The following CCDC171 variants were observed in gnomAD, a reference collection of about 807,000 sequenced individuals.
CCDC171 encodes the protein coiled-coil domain-containing protein 171.
A neutral mutation model predicts 168.2 loss-of-function variants in CCDC171; 177 were observed. The ratio of observed to expected loss-of-function variants is 1.05; its 90% confidence interval spans 0.93 to 1.19. The LOEUF (loss-of-function observed/expected upper bound fraction) is 1.19. CCDC171 is among the 50% of genes most tolerant of loss of function. The pLI, the probability that CCDC171 is intolerant of heterozygous loss-of-function variation, is 0.00. For missense variants in CCDC171, 1,991 were observed against 1,539.0 expected (o/e 1.29, Z -4.91); for synonymous variants, 687 against 540.8 (o/e 1.27, Z -3.75).
At position 15,745,645 on chromosome 9, in the gene CCDC171, T is replaced by C; in HGVS notation, c.2671+14T>C. The C allele has an allele frequency of 6.9e-7, 1 of 1,453,158 alleles. No individual in the cohort carries two copies. Among genetic ancestry groups the C allele is most frequent in the Non-Finnish European group, 9.3e-7 (1 of 1,072,554 alleles). 90.0% of individuals were successfully genotyped at this position (1,453,158 alleles called of 1,614,324 possible). A position where few individuals can be genotyped will look rare whatever the true frequency, so the allele number is the denominator to read the frequency against. ...TTGGTAAAGCAGGTATGGTTCCTTC[T>C]TTTATGTCCTTGCAAAATACATTTA... On this transcript the variant is annotated intron_variant, in intron 18 of 25. Transcript: ENST00000380701.
chr9:15,649,548 A>T (rs1189917068), intron 7 of CCDC171, among the ~76,000 whole-genome samples: 2 of 152,256 alleles, frequency 1.3e-5, no homozygotes, highest in Non-Finnish European at 2.9e-5. Flanking sequence ...AAACAAATTT[A>T]CAAGAAAAAA....
intron 8 of CCDC171, 41 bp from the exon 9 acceptor site, chr9:15,666,121 CA>C (rs2048715121): frequency 1.3e-6 from 2 of 1,572,268 alleles, no homozygotes; most frequent in South Asian, 2.3e-5. Context: ...TTGATGCTAG[CA>C]TTTCTTAGCT....
At chr9:16,024,791 A>G (rs566765264) in intron 6 of CCDC171, among the ~76,000 whole-genome samples, 1 of 152,230 alleles carries the variant, frequency 6.6e-6, no homozygotes, top group Non-Finnish European at 1.5e-5. Context: ...AAGAACATGT[A>G]TGCAGAGGGG....
chr9:15,614,789 G>A (rs1014475885), intron 6 of CCDC171, among the ~76,000 whole-genome samples: 1 of 152,162 alleles, frequency 6.6e-6, no homozygotes, highest in Non-Finnish European at 1.5e-5. Context: ...TTGAGTGTCT[G>A]GGTGAGGCTT....
chr9:16,076,815 T>C, the CCDC171 span, among the ~76,000 whole-genome samples: 1 of 152,334 alleles, frequency 6.6e-6, no homozygotes, highest in East Asian at 1.9e-4. Context: ...CAACTAAATC[T>C]ATTAGGCTCC....
chr9:15,890,436 G>C (rs1057479633), intron 24 of CCDC171, among the ~76,000 whole-genome samples: 3 of 152,054 alleles, frequency 2.0e-5, no homozygotes, highest in Non-Finnish European at 2.9e-5. Flanking sequence ...AATATCTGGA[G>C]TTTGAGTCTC....
At chr9:15,762,387 G>A (rs2056496248) in intron 18 of CCDC171, among the ~76,000 whole-genome samples, 1 of 152,002 alleles carries the variant, frequency 6.6e-6, no homozygotes, top group Non-Finnish European at 1.5e-5. Context: ...AACCTAAGCA[G>A]GAAAAGGAGC....
chr9:15,567,615 C>A (rs1201463205), intron 2 of CCDC171, among the ~76,000 whole-genome samples: 1 of 151,950 alleles, frequency 6.6e-6, no homozygotes, highest in Non-Finnish European at 1.5e-5. Context: ...CTTTTCAACT[C>A]CTTTGAACAA....
At position 15,933,043 on chromosome 9, in the gene CCDC171, C is replaced by G. The variant is rs560078330; in HGVS notation, c.3753+12621C>G. Among the ~76,000 whole-genome samples the G allele has an allele frequency of 2.6e-5, 4 of 151,904 alleles. No homozygotes were observed. In the East Asian group the frequency reaches 7.8e-4, roughly 30 times the overall value. ...CTCTATGTTCATCAGGGATATTGGC[C>G]TGTAGTTTTTTTTGTCTGTGTGTCC... is the stretch of plus-strand genomic sequence containing the variant. On this transcript the variant is annotated intron_variant, in intron 25 of 25. Coordinates refer to ENST00000380701, the MANE Select transcript of CCDC171 (RefSeq NM_173550.4).
intron 21 of CCDC171, among the ~76,000 whole-genome samples, chr9:15,846,255 A>G (rs987520121): frequency 6.6e-6 from 1 of 152,098 alleles, no homozygotes; most frequent in African/African-American, 2.4e-5. Context: ...CCATTTTCTT[A>G]TAGATATCCT....
At chr9:15,859,204 T>C (rs1407689244) in intron 23 of CCDC171, among the ~76,000 whole-genome samples, 1 of 152,098 alleles carries the variant, frequency 6.6e-6, no homozygotes, top group Non-Finnish European at 1.5e-5. Flanking sequence ...GATTTTTGTA[T>C]CTTGAACCAT....
At chr9:16,038,349 G>A (rs376953470), upstream of CCDC171, among the ~76,000 whole-genome samples, 117 of 152,198 alleles carry the variant, frequency 7.7e-4, no homozygotes, top group African/African-American at 2.6e-3. Context: ...AGCATTGTCT[G>A]TAGAAGTTAA....
At chr9:15,756,347 A>AGC (rs2056115933) in intron 18 of CCDC171, among the ~76,000 whole-genome samples, 2 of 152,338 alleles carry the variant, frequency 1.3e-5, no homozygotes, top group South Asian at 4.1e-4. Context: ...CTATCAGCTC[A>AGC]CACAAGAATG....
chr9:15,685,464 C>T (rs1346368254), intron 10 of CCDC171, among the ~76,000 whole-genome samples: 1 of 151,840 alleles, frequency 6.6e-6, no homozygotes, highest in Non-Finnish European at 1.5e-5. Context: ...ACTCCCATAT[C>T]TACAAAAAAA....
At chr9:15,706,746 A>G (rs1440059100) in intron 11 of CCDC171, among the ~76,000 whole-genome samples, 1 of 152,136 alleles carries the variant, frequency 6.6e-6, no homozygotes, top group Non-Finnish European at 1.5e-5. Flanking sequence ...GTTGACTTTC[A>G]TGTTCACTGA....
At chr9:16,003,843 A>G (rs1446671852) in intron 3 of CCDC171, among the ~76,000 whole-genome samples, 3 of 152,214 alleles carry the variant, frequency 2.0e-5, no homozygotes, top group African/African-American at 7.2e-5. Context: ...CTCATATTTC[A>G]ACCTCCAAAA....
chr9:15,670,629 A>C (rs951676224), intron 9 of CCDC171, among the ~76,000 whole-genome samples: 2 of 150,952 alleles, frequency 1.3e-5, no homozygotes, highest in Non-Finnish European at 3.0e-5. Flanking sequence ...CACCACAGAC[A>C]CTCCTTCCCT....
At chr9:15,778,503 G>A (rs1303880965) in intron 19 of CCDC171, among the ~76,000 whole-genome samples, 1 of 151,418 alleles carries the variant, frequency 6.6e-6, no homozygotes, top group East Asian at 1.9e-4. Flanking sequence ...GCCAGGGGTG[G>A]TGGTGGGTGC....
chr9:15,930,246 C>G (rs1177652406), intron 25 of CCDC171, among the ~76,000 whole-genome samples: 1 of 151,644 alleles, frequency 6.6e-6, no homozygotes, highest in East Asian at 1.9e-4. Context: ...TTTTCCCACA[C>G]CAAATTTTCT....
Sources: allele counts gnomAD v4.1 joint callset (sites outside exome capture counted in the v4.1 genomes callset), GRCh38; gene constraint gnomAD v4.1.1; transcripts MANE v1.5; gene names NCBI Gene and HGNC (gene_info 2026-07-23, HGNC 2026-07-21).